Variants in KIF6 observed in about 807,000 individuals in gnomAD.
The protein encoded by KIF6 is kinesin-like protein KIF6.
A neutral mutation model predicts 112.7 loss-of-function variants in KIF6; 106 were observed. The observed-to-expected ratio is 0.94, with a 90% CI of 0.80 to 1.11. The LOEUF (loss-of-function observed/expected upper bound fraction) is 1.11, where lower values mean the gene tolerates loss of function less well. Ranked by LOEUF, KIF6 falls within the 50% of genes least tolerant of loss-of-function variation. KIF6 has a pLI of 0.00. For missense variants in KIF6, 929 were observed against 964.0 expected, an observed-to-expected ratio of 0.96 and a Z score of 0.48; for synonymous variants, 339 against 339.9, an observed-to-expected ratio of 1.00 and a Z score of 0.03.
At chr6:39,511,484 A>C (rs1776775229) in intron 13 of KIF6, among the ~76,000 whole-genome samples, 1 of 152,216 alleles carries the variant, frequency 6.6e-6, no homozygotes, top group South Asian at 2.1e-4. Context: ...AAACTTTTAC[A>C]TTGTTGGTGG....
chr6:39,529,790 AAAAAAAGG>A (rs1330850339), intron 13 of KIF6, among the ~76,000 whole-genome samples: 1 of 152,190 alleles, frequency 6.6e-6, no homozygotes, highest in African/African-American at 2.4e-5. Flanking sequence ...CCGTCTCAAA[AAAAAAAGG>A]GTGACCTGAT....
rs368052271 is a variant in KIF6, at chr6:39,517,413, G to A, written c.1645+22590C>T. On this transcript the variant is annotated intron_variant, in intron 13 of 22. Transcript: ENST00000287152. ...TTTGAACCTTTGGTAGGTTCAAACT[G>A]TTGACAGTGGATAACAAAGATTGAA... is the stretch of plus-strand genomic sequence containing the variant. Among the ~76,000 whole-genome samples the A allele has an allele frequency of 1.2e-4, 18 of 152,308 alleles. 1 individual carries two copies. The East Asian group carries it at 1.9e-3, about 16-fold the overall frequency.
At chr6:39,468,764 C>T (rs1172157919) in intron 13 of KIF6, among the ~76,000 whole-genome samples, 1 of 147,582 alleles carries the variant, frequency 6.8e-6, no homozygotes, top group African/African-American at 2.5e-5. Context: ...TTCAATTCCA[C>T]ATGAAAAAAA....
intron 5 of KIF6, among the ~76,000 whole-genome samples, chr6:39,631,625 T>C (rs1194873627): frequency 4.6e-5 from 7 of 152,276 alleles, no homozygotes; most frequent in African/African-American, 1.2e-4. Flanking sequence ...ATAGTATTGA[T>C]TTTATACATT....
intron 13 of KIF6, among the ~76,000 whole-genome samples, chr6:39,461,433 T>C (rs1358151165): frequency 6.6e-6 from 1 of 152,218 alleles, no homozygotes; most frequent in Admixed American, 6.5e-5. Flanking sequence ...CCAATGAAAC[T>C]ATGATGTAAG....
intron 3 of KIF6, among the ~76,000 whole-genome samples, chr6:39,708,056 G>C (rs778953817): frequency 6.6e-6 from 1 of 152,098 alleles, no homozygotes; most frequent in Non-Finnish European, 1.5e-5. Context: ...TCCTTGTCTT[G>C]AAAGAGCAGG....
At chr6:39,385,480 A>G in intron 16 of KIF6, 142 bp downstream of exon 16, 1 of 675,696 alleles carries the variant, frequency 1.5e-6, no homozygotes, top group South Asian at 1.8e-5. Flanking sequence ...ATCCAAGGAA[A>G]GCTGTGTGGA....
intron 6 of KIF6, among the ~76,000 whole-genome samples, chr6:39,602,696 G>T (rs1782643959): frequency 6.6e-6 from 1 of 152,168 alleles, no homozygotes; most frequent in Non-Finnish European, 1.5e-5. Context: ...ATTTGAAACA[G>T]CTAGATTAAC....
intron 13 of KIF6, among the ~76,000 whole-genome samples, chr6:39,539,300 G>C (rs1186615733): frequency 6.6e-6 from 1 of 151,756 alleles, no homozygotes; most frequent in South Asian, 2.1e-4. Flanking sequence ...ATGCTATTAC[G>C]TGACAAAGTT....
At chr6:39,634,986 T>C (rs1038728740) in intron 4 of KIF6, 28 bp from the exon 5 acceptor site, 2 of 1,211,934 alleles carry the variant, frequency 1.7e-6, no homozygotes, top group Non-Finnish European at 2.5e-6. Context: ...AGGTATTATT[T>C]ATCGGTTATA....
intron 7 of KIF6, 83 bp from the exon 8 acceptor site, chr6:39,586,487 A>C: frequency 8.7e-7 from 1 of 1,143,544 alleles, no homozygotes; most frequent in African/African-American, 1.5e-5. Flanking sequence ...ATAGCAATAA[A>C]AATGCAAAAG....
chr6:39,431,838 G>C (rs1300393484), intron 13 of KIF6, among the ~76,000 whole-genome samples: 1 of 152,170 alleles, frequency 6.6e-6, no homozygotes, highest in Non-Finnish European at 1.5e-5. Flanking sequence ...GGTCAGTACA[G>C]CCAGGACCAG....
intron 13 of KIF6, among the ~76,000 whole-genome samples, chr6:39,530,191 T>C (rs911567205): frequency 6.6e-6 from 1 of 152,190 alleles, no homozygotes; most frequent in Non-Finnish European, 1.5e-5. Context: ...AAATTCTCAT[T>C]GAGGAGGAGA....
At chr6:39,613,496 T>C (rs1190015378) in intron 5 of KIF6, among the ~76,000 whole-genome samples, 178 bp from the exon 6 acceptor site, 1 of 152,210 alleles carries the variant, frequency 6.6e-6, no homozygotes, top group Non-Finnish European at 1.5e-5. Flanking sequence ...CCCTTCACAG[T>C]ACTATCAAAT....
chr6:39,469,869 A>G (rs983491357), intron 13 of KIF6, among the ~76,000 whole-genome samples: 3 of 152,236 alleles, frequency 2.0e-5, no homozygotes, highest in Non-Finnish European at 4.4e-5. Context: ...GGAGATTTCA[A>G]TACTCCACAT....
chr6:39,452,964 C>T (rs1016400334), intron 13 of KIF6, among the ~76,000 whole-genome samples: 1 of 152,204 alleles, frequency 6.6e-6, no homozygotes, highest in Non-Finnish European at 1.5e-5. Flanking sequence ...AAGGAAGAAA[C>T]ATCTTTCTTT....
chr6:39,383,661 T>C (rs1767164571), intron 16 of KIF6, among the ~76,000 whole-genome samples: 1 of 152,244 alleles, frequency 6.6e-6, no homozygotes, highest in African/African-American at 2.4e-5. Flanking sequence ...TGGTTCCATA[T>C]GAATTTTAGA....
intron 19 of KIF6, among the ~76,000 whole-genome samples, chr6:39,349,434 G>A (rs887228550): frequency 2.6e-5 from 4 of 151,988 alleles, no homozygotes; most frequent in African/African-American, 9.7e-5. Flanking sequence ...AAGGGAATGA[G>A]GCAGAGAGGA....
At chr6:39,371,237 C>T (rs10046447) in intron 16 of KIF6, among the ~76,000 whole-genome samples, 18,806 of 152,116 alleles carry the variant, frequency 0.12, 1,548 homozygotes, top group African/African-American at 0.24. Context: ...TTCTTTCTCA[C>T]GGGGCCACCT....
Sources: gnomAD v4.1 joint callset for allele counts (sites outside exome capture counted in the v4.1 genomes callset) on GRCh38, gnomAD v4.1.1 for gene constraint, MANE v1.5 for transcripts, NCBI Gene and HGNC (gene_info 2026-07-23, HGNC 2026-07-21) for gene names.